Variants in MPPED2 observed in about 807,000 individuals in gnomAD.
MPPED2 encodes the protein metallophosphoesterase domain containing 2.
In MPPED2, 5 loss-of-function variants were observed where a neutral mutation model predicts 33.0. The ratio of observed to expected loss-of-function variants is 0.15; its 90% confidence interval spans 0.08 to 0.32. MPPED2 has a LOEUF of 0.32. Among genes scored for constraint, MPPED2 ranks in the 10% least tolerant of loss-of-function variants. The pLI, the probability that MPPED2 is intolerant of heterozygous loss-of-function variation, is 1.00. For synonymous variants in MPPED2, 136 were observed against 141.9 expected, an observed-to-expected ratio of 0.96 and a Z score of 0.29; for missense variants, 275 against 372.1, an observed-to-expected ratio of 0.74 and a Z score of 2.15.
Position 30,386,591 on chromosome 11 carries a change from C to G in MPPED2, c.*2298G>C. ...CTTTATGGCAGCAAAAACAGACTAA[C>G]ACATGACTGTTTTCCCAGCACCTAG... On this transcript the variant is annotated 3_prime_UTR_variant, in exon 7 of 7. Coordinates refer to the MPPED2 transcript ENST00000448418. The G allele has an allele frequency of 1.5e-5, 6 of 397,166 alleles. No individual in the cohort carries two copies. The Middle Eastern group carries it at 1.9e-3, about 126-fold the overall frequency. 24.6% of individuals were successfully genotyped at this position (397,166 alleles called of 1,614,324 possible). A position where few individuals can be genotyped will look rare whatever the true frequency, so the allele number is the denominator to read the frequency against.
At position 30,411,165 on chromosome 11, in the gene MPPED2, A is replaced by C. The variant is rs1948087034; in HGVS notation, c.*303T>G. 1 of 1,027,784 alleles carries C rather than the reference A, an allele frequency of 9.7e-7. No homozygotes were observed. The highest frequency in any genetic ancestry group is 1.2e-6 in the Non-Finnish European group (1 of 857,026). 63.7% of individuals were successfully genotyped at this position (1,027,784 alleles called of 1,614,324 possible). A position where few individuals can be genotyped will look rare whatever the true frequency, so the allele number is the denominator to read the frequency against. ...TCAGCTTAAAGCATATTAAAATAAGACTTTTATCACTTTTTAAAAGAAAGC... is the reference window on the plus strand; with the variant it reads ...TCAGCTTAAAGCATATTAAAATAAGCCTTTTATCACTTTTTAAAAGAAAGC... On this transcript the variant is annotated 3_prime_UTR_variant, in exon 7 of 7. Transcript: ENST00000358117.
chr11:30,554,902 G>C (rs937572837), intron 2 of MPPED2, among the ~76,000 whole-genome samples: 1 of 152,128 alleles, frequency 6.6e-6, no homozygotes, highest in Non-Finnish European at 1.5e-5. Flanking sequence ...ACTGCTCATT[G>C]TGATTTCTTG....
chr11:30,468,006 C>G (rs1156316399), intron 4 of MPPED2, among the ~76,000 whole-genome samples: 2 of 53,120 alleles, frequency 3.8e-5, no homozygotes, highest in African/African-American at 4.7e-4. Context: ...CAGCTCTCCC[C>G]AGAGGCCCCC....
At chr11:30,498,994 A>G (rs928424266) in intron 3 of MPPED2, among the ~76,000 whole-genome samples, 3 of 152,186 alleles carry the variant, frequency 2.0e-5, no homozygotes, top group African/African-American at 4.8e-5. Context: ...GTGGTGTCAC[A>G]TAAGTAGATA....
chr11:30,457,634 T>C (rs1337795269), intron 4 of MPPED2, among the ~76,000 whole-genome samples: 1 of 152,224 alleles, frequency 6.6e-6, no homozygotes, highest in Admixed American at 6.5e-5. Flanking sequence ...ACAACCTTTA[T>C]GTTGATAAGG....
At chr11:30,533,497 C>T (rs1361130696) in intron 3 of MPPED2, among the ~76,000 whole-genome samples, 1 of 152,074 alleles carries the variant, frequency 6.6e-6, no homozygotes, top group Admixed American at 6.5e-5. Flanking sequence ...GCCCTAAAAC[C>T]CTAGATTGAT....
At chr11:30,441,073 T>A (rs776897894) in intron 4 of MPPED2, among the ~76,000 whole-genome samples, 7 of 152,164 alleles carry the variant, frequency 4.6e-5, no homozygotes, top group African/African-American at 7.2e-5. Context: ...ATTCTCTGGG[T>A]TACCGAGCAG....
chr11:30,493,239 C>T (rs1283376788), intron 4 of MPPED2, among the ~76,000 whole-genome samples: 1 of 151,762 alleles, frequency 6.6e-6, no homozygotes, highest in Admixed American at 6.6e-5. Context: ...GGCGCAGTGG[C>T]GGGCGCCTGT....
At chr11:30,522,782 GTGTGGAGTGAGCTAA>G (rs1953948039) in intron 3 of MPPED2, among the ~76,000 whole-genome samples, 1 of 152,204 alleles carries the variant, frequency 6.6e-6, no homozygotes, top group Non-Finnish European at 1.5e-5. Flanking sequence ...AAGTGAGAAT[GTGTGGAGTGAGCTAA>G]TGATTTGCCA....
At position 30,487,183 on chromosome 11, in the gene MPPED2, A is replaced by AT. The variant is rs1951778781; in HGVS notation, c.536+8112_536+8113insA. ...TGGATTAAAAGGAGCCTATTAGTGT[A>AT]ATAGGAGAAAATGAAAGAACACCCA... On this transcript the variant is annotated intron_variant, in intron 4 of 6. Coordinates refer to ENST00000358117, the MANE Select transcript of MPPED2 (RefSeq NM_001584.3). Among the ~76,000 whole-genome samples, 3 of 152,314 alleles carry AT rather than the reference A, an allele frequency of 2.0e-5. No homozygotes were observed. In the South Asian group the frequency reaches 6.2e-4, roughly 32 times the overall value.
downstream of MPPED2, chr11:30,410,045 T>C: frequency 1.1e-6 from 1 of 938,648 alleles, no homozygotes; most frequent in Non-Finnish European, 1.3e-6. Context: ...CTGAGTGCCT[T>C]ATCGATCTAT....
At chr11:30,476,106 AG>A (rs1283833774) in intron 4 of MPPED2, among the ~76,000 whole-genome samples, 1 of 152,008 alleles carries the variant, frequency 6.6e-6, no homozygotes, top group African/African-American at 2.4e-5. Context: ...CTTTTTTATT[AG>A]TGGGTTGTAA....
At chr11:30,417,705 GCA>G (rs1041966026) in intron 4 of MPPED2, 72 bp from the exon 5 acceptor site, 1 of 859,180 alleles carries the variant, frequency 1.2e-6, no homozygotes, top group African/African-American at 1.7e-5. Context: ...TTTCTCTCTC[GCA>G]CATTCCCCCA....
intron 6 of MPPED2, among the ~76,000 whole-genome samples, chr11:30,402,395 AG>A (rs1947920821): frequency 6.6e-6 from 1 of 152,202 alleles, no homozygotes; most frequent in Middle Eastern, 3.2e-3. Flanking sequence ...TCCTCACAAA[AG>A]TCTCTTATGT....
intron 4 of MPPED2, among the ~76,000 whole-genome samples, chr11:30,427,657 T>C (rs577832237): frequency 6.6e-6 from 1 of 152,322 alleles, no homozygotes; most frequent in Admixed American, 6.5e-5. Context: ...TCCTTGATGG[T>C]CAGTGGAAAA....
intron 2 of MPPED2, among the ~76,000 whole-genome samples, chr11:30,578,529 G>A (rs1957028419): frequency 6.6e-6 from 1 of 152,158 alleles, no homozygotes; most frequent in Non-Finnish European, 1.5e-5. Context: ...AAATATCTCT[G>A]TGCATTCACA....
At chr11:30,427,327 G>A (rs1948884261) in intron 4 of MPPED2, among the ~76,000 whole-genome samples, 1 of 152,224 alleles carries the variant, frequency 6.6e-6, no homozygotes, top group Non-Finnish European at 1.5e-5. Flanking sequence ...TACAATGAGT[G>A]TGTGTGTTGT....
At chr11:30,571,009 G>C (rs1956663665) in intron 2 of MPPED2, among the ~76,000 whole-genome samples, 1 of 152,162 alleles carries the variant, frequency 6.6e-6, no homozygotes, top group Non-Finnish European at 1.5e-5. Context: ...TTGATGTAGA[G>C]TCCTGCAGTT....
At chr11:30,488,880 G>A (rs2134168802) in intron 4 of MPPED2, among the ~76,000 whole-genome samples, 1 of 148,134 alleles carries the variant, frequency 6.8e-6, no homozygotes. Flanking sequence ...ACACACACAA[G>A]ACCTTTTTCT....
Sources: gnomAD v4.1 joint callset for allele counts (sites outside exome capture counted in the v4.1 genomes callset) on GRCh38, gnomAD v4.1.1 for gene constraint, MANE v1.5 for transcripts, NCBI Gene and HGNC (gene_info 2026-07-23, HGNC 2026-07-21) for gene names.